The following TTC38 variants were observed in gnomAD, a reference collection of about 807,000 sequenced individuals.
The protein encoded by TTC38 is tetratricopeptide repeat protein 38.
TTC38 carries 64 observed loss-of-function variants against 64.2 expected under a neutral mutation model. The ratio of observed to expected loss-of-function variants is 1.00; its 90% CI spans 0.81 to 1.23. TTC38 has a LOEUF of 1.23. Ranked by LOEUF, TTC38 falls within the 50% of genes most tolerant of loss-of-function variation. The pLI, the probability that TTC38 is intolerant of heterozygous loss-of-function variation, is 0.00. For synonymous variants in TTC38, 254 were observed against 249.3 expected, an observed-to-expected ratio of 1.02 and a Z score of -0.18; for missense variants, 573 against 615.5, an observed-to-expected ratio of 0.93 and a Z score of 0.73.
rs1696460895 is a variant in TTC38 at position 46,290,456 on chromosome 22, C to T, written c.1316+557C>T. ...CCACAGTGGGTTTAGCCAGGCCAGGCATGGGGCTGGTAGGAGGGTGGCGTG... is the reference window on the plus strand; with the variant it reads ...CCACAGTGGGTTTAGCCAGGCCAGGTATGGGGCTGGTAGGAGGGTGGCGTG... On this transcript the variant is annotated intron_variant, in intron 13 of 13. Transcript: ENST00000381031. 2.3e-5 allele frequency among the ~76,000 whole-genome samples: 3 copies of T among 133,290 alleles called. 1 individual carries two copies. The highest frequency in any genetic ancestry group is 7.6e-5 in the African/African-American group (3 of 39,266). The allele number at this position is 133,290 out of a possible 152,430, so 87.4% of individuals were successfully genotyped here.
intron 2 of TTC38, among the ~76,000 whole-genome samples, chr22:46,269,795 G>A (rs1258472854): frequency 1.3e-5 from 2 of 152,090 alleles, no homozygotes; most frequent in Non-Finnish European, 2.9e-5. Flanking sequence ...TAGAGTACTC[G>A]ATTTGTTTTT....
rs1936919068 is a variant in TTC38, at chr22:46,272,592, C to T, written c.193+176C>T. Reference sequence around the variant, plus strand: ...CTGCCTTTGTGTCTGGAAAAACAGTCACTCCCATAAAGATGCCAGGTTCTA... The same window carrying T: ...CTGCCTTTGTGTCTGGAAAAACAGTTACTCCCATAAAGATGCCAGGTTCTA... On this transcript the variant is annotated intron_variant, in intron 3 of 13. Transcript: ENST00000381031. This position sits in a 1 kb window ranked among gnomAD's most constrained non-coding sequence, Gnocchi z 6.4. Among the ~76,000 whole-genome samples, 1 of 152,114 alleles carries T rather than the reference C, an allele frequency of 6.6e-6. No homozygotes were observed. The highest frequency in any genetic ancestry group is 6.5e-5 in the Admixed American group (1 of 15,268).
At position 46,282,860 on chromosome 22, in the gene TTC38, C is replaced by T. The variant is rs1016246710; in HGVS notation, c.736-1113C>T. On this transcript the variant is annotated intron_variant, in intron 7 of 13. Transcript: ENST00000381031. This position sits in a 1 kb window ranked among gnomAD's most constrained non-coding sequence, Gnocchi z 4.4. The stretch of plus-strand genomic sequence containing the variant: ...GTAGCCACCCACATACCACCCACTC[C>T]CCTGGCTCTCGGGGCTTTGCCAGCA... Among the ~76,000 whole-genome samples the T allele has an allele frequency of 2.0e-5, 3 of 152,324 alleles. No homozygotes were observed. The highest frequency in any genetic ancestry group is 4.4e-5 in the Non-Finnish European group (3 of 68,040).
chr22:46,276,429 G>A lies in TTC38; in HGVS notation c.539+1008G>A, dbSNP rs2077487731. Among the ~76,000 whole-genome samples the A allele has an allele frequency of 6.6e-6, 1 of 152,190 alleles. No homozygotes were observed. Among genetic ancestry groups the A allele is most frequent in the Non-Finnish European group, 1.5e-5 (1 of 68,048 alleles). On this transcript the variant is annotated intron_variant, in intron 5 of 13. Coordinates refer to ENST00000381031, the MANE Select transcript of TTC38 (RefSeq NM_017931.4). This position sits in a 1 kb window ranked among gnomAD's most constrained non-coding sequence, Gnocchi z 4.7. ...AGACTGGGCACAGTGGCTTATGCCT[G>A]TAATCCCAGCTGTTTGGGAAGCTGA...
At chr22:46,269,097 C>T (rs573400563) in intron 2 of TTC38, 8 of 422,082 alleles carry the variant, frequency 1.9e-5, no homozygotes, top group South Asian at 1.4e-4. Context: ...TGCCCCCCCC[C>T]CACAGCGTCC....
At chr22:46,269,013 A>G in intron 2 of TTC38, 1 of 357,198 alleles carries the variant, frequency 2.8e-6, no homozygotes, top group Non-Finnish European at 5.7e-6. Flanking sequence ...AAATTGCGCC[A>G]TGACCTTAGC....
At chr22:46,284,112 T>A in intron 8 of TTC38, 80 bp downstream of exon 8, 1 of 1,230,604 alleles carries the variant, frequency 8.1e-7, no homozygotes, top group Non-Finnish European at 1.2e-6. Flanking sequence ...TTTTGCTATG[T>A]ATTCACATCC....
chr22:46,280,494 C>T (rs1194297090), intron 6 of TTC38, among the ~76,000 whole-genome samples: 3 of 152,250 alleles, frequency 2.0e-5, no homozygotes, highest in South Asian at 2.1e-4. Flanking sequence ...TCCTGCCATT[C>T]GTGAAAGCAG....
chr22:46,289,585 G>A lies in TTC38; in HGVS notation c.1242+24G>A, dbSNP rs920553361. The A allele has an allele frequency of 3.8e-6, 6 of 1,559,138 alleles. No individual in the cohort carries two copies. In the East Asian group the frequency reaches 1.4e-4, roughly 35 times the overall value. ...AGGTGAGCCGATGGCCGCCAGCTGGGGTGCCTAGGGCCTGGGCCAGGGAGT... is the reference window on the plus strand; with the variant it reads ...AGGTGAGCCGATGGCCGCCAGCTGGAGTGCCTAGGGCCTGGGCCAGGGAGT... On this transcript the variant is annotated intron_variant, in intron 12 of 13. Transcript: ENST00000381031.
chr22:46,291,052 C>G lies in TTC38; in HGVS notation c.1316+1153C>G, dbSNP rs1020506432. Among the ~76,000 whole-genome samples the G allele has an allele frequency of 4.6e-5, 7 of 152,194 alleles. No individual in the cohort carries two copies. The highest frequency in any genetic ancestry group is 1.7e-4 in the African/African-American group (7 of 41,440). ...CGCAGGTGCACCAGCGCAGCTCCCTCCAGGCAGGGTTACCCAAACTGAGCT... is the reference window on the plus strand; with the variant it reads ...CGCAGGTGCACCAGCGCAGCTCCCTGCAGGCAGGGTTACCCAAACTGAGCT... On this transcript the variant is annotated intron_variant, in intron 13 of 13. Coordinates refer to ENST00000381031, the MANE Select transcript of TTC38 (RefSeq NM_017931.4). This position sits in a 1 kb window ranked among gnomAD's most constrained non-coding sequence, Gnocchi z 4.6.
At position 46,276,736 on chromosome 22, in the gene TTC38, A is replaced by T. The variant is rs150798468; in HGVS notation, c.539+1315A>T. Among the ~76,000 whole-genome samples, 4,981 of 138,610 alleles carry T rather than the reference A, an allele frequency of 0.036. 239 individuals are homozygous for T. The highest frequency in any genetic ancestry group is 0.12 in the African/African-American group (4,016 of 34,336). 90.9% of individuals were successfully genotyped at this position (138,610 alleles called of 152,430 possible). On this transcript the variant is annotated intron_variant, in intron 5 of 13. Transcript: ENST00000381031. The surrounding 1 kb of genome is among the most constrained non-coding windows in gnomAD (Gnocchi z 4.7). Reference sequence around the variant, plus strand: ...ATATTAAAAATATATATATTAAAAAAATATATATAAAATACATATATTAAA... The same window carrying T: ...ATATTAAAAATATATATATTAAAAATATATATATAAAATACATATATTAAA...
chr22:46,290,372 C>T (rs1196357018), intron 13 of TTC38, among the ~76,000 whole-genome samples: 1 of 151,006 alleles, frequency 6.6e-6, no homozygotes, highest in Non-Finnish European at 1.5e-5. Flanking sequence ...AGGGAGCAAT[C>T]AGTCCCACAG....
At chr22:46,269,733 A>G (rs1309201732) in intron 2 of TTC38, among the ~76,000 whole-genome samples, 1 of 152,050 alleles carries the variant, frequency 6.6e-6, no homozygotes, top group African/African-American at 2.4e-5. Context: ...TTGTTTGTTT[A>G]TTTTGTGTTT....
chr22:46,281,091 A>G lies in TTC38; in HGVS notation c.616-508A>G, dbSNP rs2077530952. 1.3e-5 allele frequency among the ~76,000 whole-genome samples: 2 copies of G among 152,224 alleles called. No homozygotes were observed. Among genetic ancestry groups the G allele is most frequent in the Non-Finnish European group, 2.9e-5 (2 of 68,042 alleles). The stretch of plus-strand genomic sequence containing the variant: ...GAGCCAGCTGTTTCTGCACCCAGAA[A>G]GCCACGTGTCCTCACATATATGGTA... On this transcript the variant is annotated intron_variant, in intron 6 of 13. Transcript: ENST00000381031. This position sits in a 1 kb window ranked among gnomAD's most constrained non-coding sequence, Gnocchi z 5.2.
chr22:46,283,580 G>A (rs1037509453), intron 7 of TTC38, among the ~76,000 whole-genome samples: 5 of 152,210 alleles, frequency 3.3e-5, no homozygotes, highest in South Asian at 4.1e-4. Flanking sequence ...GGCTAGGCGC[G>A]GTGGCTCATG....
At position 46,275,401 on chromosome 22, in the gene TTC38, A is replaced by G; in HGVS notation, c.519A>G (p.Thr173=). 2.5e-6 allele frequency: 4 copies of G among 1,613,922 alleles called. No homozygotes were observed. Among genetic ancestry groups the G allele is most frequent in the Non-Finnish European group, 2.5e-6 (3 of 1,179,924 alleles). Reference sequence around the variant, plus strand: ...TTGCTCGAATTTACCCCTTCTGGACACCTGACATCCCCCTAAGCAGGTATG... The same window carrying G: ...TTGCTCGAATTTACCCCTTCTGGACGCCTGACATCCCCCTAAGCAGGTATG... The part of the protein sequence containing the change: ...DSVARIYPFW[T]PDIPLSSYVK... Residue 173 remains threonine, a synonymous_variant, in exon 5 of 14, where the codon ACA becomes ACG. Transcript: ENST00000381031. The surrounding 1 kb of genome is among the most constrained non-coding windows in gnomAD (Gnocchi z 4.5).
rs1009035750 is a variant in TTC38 at position 46,281,260 on chromosome 22, T to G, written c.616-339T>G. The stretch of plus-strand genomic sequence containing the variant: ...TGAGGCCCAGAGAGGGCGGGTATGT[T>G]TTGCAAGCACCTCAGCTGTATGCAG... On this transcript the variant is annotated intron_variant, in intron 6 of 13. Transcript: ENST00000381031. The surrounding 1 kb of genome is among the most constrained non-coding windows in gnomAD (Gnocchi z 5.2). 3.9e-5 allele frequency among the ~76,000 whole-genome samples: 6 copies of G among 152,210 alleles called. No homozygotes were observed. The highest frequency in any genetic ancestry group is 1.4e-4 in the African/African-American group (6 of 41,448).
intron 1 of TTC38, 39 bp downstream of exon 1, chr22:46,268,111 C>T (rs1174160180): frequency 6.5e-7 from 1 of 1,528,346 alleles, no homozygotes; most frequent in Non-Finnish European, 8.7e-7. Flanking sequence ...CCCCTCGGGC[C>T]CCGGGTCCTG....
chr22:46,268,276 T>C (rs1936807187), intron 1 of TTC38, among the ~76,000 whole-genome samples: 1 of 152,106 alleles, frequency 6.6e-6, no homozygotes, highest in African/African-American at 2.4e-5. Context: ...GGGACGCCTG[T>C]CAGGGTACTC....
Sources: gnomAD v4.1 joint callset for allele counts (sites outside exome capture counted in the v4.1 genomes callset) on GRCh38, gnomAD v4.1.1 for gene constraint, Gnocchi (gnomAD v3.1) non-coding constraint, MANE v1.5 for transcripts, NCBI Gene and HGNC (gene_info 2026-07-23, HGNC 2026-07-21) for gene names.